The following MIA2 variants were observed in gnomAD, a reference collection of about 807,000 sequenced individuals.
MIA2 encodes MIA SH3 domain ER export factor 2, also known as melanoma inhibitory activity protein 2.
MIA2 carries 127 observed loss-of-function variants against 167.8 expected under a neutral mutation model. That is an observed-to-expected ratio of 0.76 (90% CI 0.66 to 0.88). The LOEUF is 0.88. Ranked by LOEUF, MIA2 falls within the 40% of genes least tolerant of loss-of-function variation. MIA2 has a pLI of 0.00. For missense variants in MIA2, 1,690 were observed against 1,624.7 expected (o/e 1.04, Z -0.69); for synonymous variants, 552 against 541.9 (o/e 1.02, Z -0.26).
intron 23 of MIA2, among the ~76,000 whole-genome samples, chr14:39,320,560 A>G (rs2066228515): frequency 1.3e-5 from 2 of 152,122 alleles, no homozygotes. Flanking sequence ...ACCAGCTGAA[A>G]TGTCTGGGTG....
intron 18 of MIA2, among the ~76,000 whole-genome samples, chr14:39,310,018 G>C (rs1044997248): frequency 1.3e-5 from 2 of 151,364 alleles, no homozygotes; most frequent in African/African-American, 4.9e-5. Context: ...CTTAATGATA[G>C]TTATTACAGT....
intron 25 of MIA2, 91 bp from the exon 26 acceptor site, chr14:39,345,813 C>T (rs919537696): frequency 1.1e-5 from 11 of 1,044,110 alleles, no homozygotes; most frequent in Non-Finnish European, 1.1e-5. Flanking sequence ...TGTTAGAATA[C>T]AGGTCAAAAG....
intron 19 of MIA2, among the ~76,000 whole-genome samples, chr14:39,313,718 A>G (rs569895072): frequency 1.3e-5 from 2 of 152,282 alleles, no homozygotes; most frequent in East Asian, 3.9e-4. Context: ...ATTCTATTTT[A>G]TGTTAGTGTC....
chr14:39,288,473 A>ATTTTT (rs1338351779), intron 9 of MIA2, among the ~76,000 whole-genome samples: 2 of 51,414 alleles, frequency 3.9e-5, no homozygotes, highest in African/African-American at 1.0e-4. Flanking sequence ...ATATATATAT[A>ATTTTT]TATTTTTTTT....
At chr14:39,286,668 T>C (rs2059836790) in intron 9 of MIA2, among the ~76,000 whole-genome samples, 1 of 150,822 alleles carries the variant, frequency 6.6e-6, no homozygotes, top group African/African-American at 2.4e-5. Flanking sequence ...ATCTTTTCTT[T>C]CCTTATCCTT....
At chr14:39,238,207 C>T (rs1234243659) in intron 2 of MIA2, among the ~76,000 whole-genome samples, 3 of 149,298 alleles carry the variant, frequency 2.0e-5, no homozygotes, top group African/African-American at 7.4e-5. Context: ...CAGAGTCTCT[C>T]TGTCACCCAG....
At chr14:39,300,496 A>G (rs143608771) in intron 14 of MIA2, among the ~76,000 whole-genome samples, 1 of 152,208 alleles carries the variant, frequency 6.6e-6, no homozygotes, top group East Asian at 1.9e-4. Context: ...ATGCTGATAA[A>G]TACAGATACT....
At chr14:39,267,615 C>T (rs573151225) in intron 6 of MIA2, 40 of 1,463,990 alleles carry the variant, frequency 2.7e-5, no homozygotes, top group African/African-American at 1.8e-4. Context: ...GTCTAAGCCG[C>T]CGTGGTCAGA....
chr14:39,266,114 T>G, intron 6 of MIA2: 5 of 985,472 alleles, frequency 5.1e-6, no homozygotes, highest in Non-Finnish European at 6.0e-6. Context: ...GAAAATTTCC[T>G]AAGGATTTAA....
In MIA2 at chr14:39,301,037, CAT is replaced by C. The variant is rs1446621324; in HGVS notation, c.2619+1053_2619+1054del. 2.1e-4 allele frequency among the ~76,000 whole-genome samples: 9 copies of C among 43,304 alleles called. No homozygotes were observed. The South Asian group carries it at 6.8e-3, about 33-fold the overall frequency. The allele number at this position is 43,304 out of a possible 152,430, so 28.4% of individuals were successfully genotyped here. On this transcript the variant is annotated intron_variant, in intron 14 of 28. Coordinates refer to ENST00000640607, the MANE Select transcript of MIA2 (RefSeq NM_001329214.4). ...ATATATACACACATATATACATATA[CAT>C]ACACACACACACACACACACACACA...
intron 23 of MIA2, chr14:39,386,607 C>CG: frequency 9.7e-7 from 1 of 1,033,788 alleles, no homozygotes. Flanking sequence ...TTTCTTTTTT[C>CG]TTTTTTTTCT....
intron 6 of MIA2, among the ~76,000 whole-genome samples, chr14:39,268,473 A>C (rs2056467079): frequency 1.3e-5 from 2 of 152,174 alleles, no homozygotes; most frequent in African/African-American, 4.8e-5. Context: ...AAATAGTACA[A>C]AGTAGAAACT....
intron 16 of MIA2, among the ~76,000 whole-genome samples, chr14:39,303,958 T>A (rs2152895488): frequency 6.6e-6 from 1 of 152,242 alleles, no homozygotes; most frequent in African/African-American, 2.4e-5. Context: ...CTGATCTATG[T>A]GAAGTCTTGG....
At chr14:39,281,115 G>C (rs1013041575) in intron 9 of MIA2, among the ~76,000 whole-genome samples, 4 of 151,644 alleles carry the variant, frequency 2.6e-5, no homozygotes, top group Non-Finnish European at 5.9e-5. Context: ...TGTAGAGATG[G>C]GGTTTTGCCA....
intron 25 of MIA2, among the ~76,000 whole-genome samples, chr14:39,341,268 C>G (rs751435685): frequency 1.3e-5 from 2 of 151,856 alleles, no homozygotes; most frequent in African/African-American, 2.4e-5. Context: ...CACCGTTGCA[C>G]TCCAGCCTGG....
chr14:39,247,920 A>G lies in MIA2; in HGVS notation c.1346A>G (p.Asp449Gly), dbSNP rs150574224. ...AAGAAACCAGTCTCAGAAAAAACAG[A>G]CGAATCTGATACTATACCATATTTG... ...IDKKPVSEKT[D>G]ESDTIPYLKK... The change falls in exon 4 of 29, where the codon GAC becomes GGC. Residue 449 changes from aspartate to glycine, a missense_variant. Asp to Gly is a moderately conservative substitution (Grantham distance 94, BLOSUM62 -1). Coordinates refer to ENST00000640607, the MANE Select transcript of MIA2 (RefSeq NM_001329214.4). 576 of 1,595,978 alleles carry G rather than the reference A, an allele frequency of 3.6e-4. 1 individual carries two copies. Among genetic ancestry groups the G allele is most frequent in the Non-Finnish European group, 3.6e-4 (428 of 1,175,878 alleles).
intron 9 of MIA2, among the ~76,000 whole-genome samples, chr14:39,288,792 A>G (rs375485823): frequency 6.6e-6 from 1 of 152,050 alleles, no homozygotes; most frequent in Non-Finnish European, 1.5e-5. Flanking sequence ...TTTGCATGCC[A>G]GGGATAAATA....
chr14:39,235,348 T>C (rs1204506547), intron 1 of MIA2, among the ~76,000 whole-genome samples: 1 of 152,114 alleles, frequency 6.6e-6, no homozygotes, highest in African/African-American at 2.4e-5. Context: ...ATTTGCAACA[T>C]GAAAATGAAA....
At chr14:39,386,877 C>G (rs2075280497) in intron 23 of MIA2, 3 of 837,108 alleles carry the variant, frequency 3.6e-6, no homozygotes, top group Non-Finnish European at 4.2e-6. Context: ...GTCGTTCTCT[C>G]TCACCAGGCG....
Sources: gnomAD v4.1 joint callset for allele counts (sites outside exome capture counted in the v4.1 genomes callset) on GRCh38, gnomAD v4.1.1 for gene constraint, MANE v1.5 for transcripts, NCBI Gene and HGNC (gene_info 2026-07-23, HGNC 2026-07-21) for gene names.